Variants in EFCAB12 observed in about 807,000 individuals in gnomAD.
EFCAB12 encodes the protein EF-hand calcium binding domain 12, also known as EF-hand calcium-binding domain-containing protein 12.
A neutral mutation model predicts 53.6 loss-of-function variants in EFCAB12; 43 were observed. The ratio of observed to expected loss-of-function variants is 0.80; its 90% CI spans 0.63 to 1.03. The LOEUF (loss-of-function observed/expected upper bound fraction) is 1.03. Ranked by LOEUF, EFCAB12 falls within the 50% of genes least tolerant of loss-of-function variation. EFCAB12 has a pLI of 0.00. For missense variants in EFCAB12, 646 were observed against 730.6 expected, an observed-to-expected ratio of 0.88 and a Z score of 1.34; for synonymous variants, 269 against 289.2, an observed-to-expected ratio of 0.93 and a Z score of 0.71.
Position 129,404,286 on chromosome 3 carries a change from C to G in EFCAB12, c.1367G>C (p.Arg456Pro). The change falls in exon 7 of 9, where the codon CGG (arginine) becomes CCG (proline). Residue 456 changes from arginine (R) to proline (P), a missense_variant. Transcript: ENST00000505956. Reference sequence around the variant, plus strand: ...CTTAGACTTGCCAGGGCCCTGGGACCGGAGCAGAGCCAGATTCGGAGAAAA... The same window carrying G: ...CTTAGACTTGCCAGGGCCCTGGGACGGGAGCAGAGCCAGATTCGGAGAAAA... The part of the protein sequence containing the change: ...KVFSPNLALL[R>P]SQGPGKSKRT... 1 of 1,613,774 alleles carries G rather than the reference C, an allele frequency of 6.2e-7. No individual in the cohort carries two copies. The highest frequency in any genetic ancestry group is 8.5e-7 in the Non-Finnish European group (1 of 1,179,800).
rs1169773156 is a variant in EFCAB12 at position 129,404,338 on chromosome 3, C to T, written c.1315G>A (p.Gly439Arg). 2.0e-5 allele frequency: 33 copies of T among 1,613,752 alleles called. No individual in the cohort carries two copies. Among genetic ancestry groups the T allele is most frequent in the Non-Finnish European group, 2.8e-5 (33 of 1,179,886 alleles). The change falls in exon 7 of 9, where the codon GGA (glycine) becomes AGA (arginine). Residue 439 changes from glycine to arginine, a missense_variant. Coordinates refer to ENST00000505956, the MANE Select transcript of EFCAB12 (RefSeq NM_207307.3). ...MDKVCPIRQPGGYYSDWKVFS... is the reference protein window; with the variant it reads ...MDKVCPIRQPRGYYSDWKVFS... ...ACCTTCCAGTCAGAGTAGTAGCCTC[C>T]CGGCTGCCGGATGGGGCACACTTTG...
intron 6 of EFCAB12, among the ~76,000 whole-genome samples, chr3:129,405,809 T>G (rs2071942399): frequency 6.6e-6 from 1 of 151,894 alleles, no homozygotes; most frequent in Non-Finnish European, 1.5e-5. Flanking sequence ...GCCAAGACAG[T>G]GGTCAGAGAT....
At position 129,411,184 on chromosome 3, in the gene EFCAB12, A is replaced by T; in HGVS notation, c.1009T>A (p.Tyr337Asn). 1 of 1,607,514 alleles carries T rather than the reference A, an allele frequency of 6.2e-7. No individual in the cohort carries two copies. Among genetic ancestry groups the T allele is most frequent in the Non-Finnish European group, 8.5e-7 (1 of 1,176,938 alleles). ...TTGTGCTGTCGCTGCCGCTCGCGGT[A>T]CCGCTTGCCCACTTCCTCCATCTCC... Reference protein sequence around the residue: ...LEEMEEVGKRYRERQRQHKLT... With the variant: ...LEEMEEVGKRNRERQRQHKLT... The change falls in exon 5 of 9, where the codon TAC becomes AAC. Residue 337 changes from tyrosine (Y) to asparagine (N), a missense_variant. By Grantham distance (143) the Tyr-to-Asn change is moderately radical. Coordinates refer to ENST00000505956, the MANE Select transcript of EFCAB12 (RefSeq NM_207307.3).
chr3:129,404,194 G>T (rs1267439433), intron 7 of EFCAB12, 56 bp downstream of exon 7: 19 of 1,570,444 alleles, frequency 1.2e-5, no homozygotes, highest in African/African-American at 2.7e-5. Flanking sequence ...CCACACTGAA[G>T]GGATAGCAAT....
intron 1 of EFCAB12, 127 bp from the exon 2 acceptor site, chr3:129,421,930 G>T: frequency 1.1e-6 from 1 of 945,588 alleles, no homozygotes. Context: ...CTTTATCATT[G>T]TCTTGCTGTA....
Position 129,401,776 on chromosome 3 carries a change from A to G in EFCAB12, c.1536T>C (p.Asp512=). 6.2e-7 allele frequency: 1 copy of G among 1,611,858 alleles called. No individual in the cohort carries two copies. Among genetic ancestry groups the G allele is most frequent in the Non-Finnish European group, 8.5e-7 (1 of 1,178,932 alleles). ...PNSFWPGHLL[D]KLQLYLPTVA... is the part of the protein sequence containing the mutation. The stretch of plus-strand genomic sequence containing the variant: ...CAGTGGGCAGGTAGAGCTGCAGCTT[A>G]TCCAGAAGATGACCCGGCCAGAAGG... The change falls in exon 9 of 9, where the codon GAT becomes GAC. Residue 512 remains aspartate, a synonymous_variant. Transcript: ENST00000505956.
chr3:129,415,130 C>A, intron 4 of EFCAB12, 115 bp downstream of exon 4: 1 of 1,341,840 alleles, frequency 7.5e-7, no homozygotes, highest in Non-Finnish European at 9.7e-7. Flanking sequence ...CCACAGTCGG[C>A]CAAAACTGGG....
chr3:129,423,405 T>C (rs1006993084), intron 1 of EFCAB12, among the ~76,000 whole-genome samples: 5 of 152,062 alleles, frequency 3.3e-5, no homozygotes, highest in African/African-American at 4.8e-5. Context: ...GGTGGGAGGA[T>C]TGCTTGAGCC....
At position 129,403,876 on chromosome 3, in the gene EFCAB12, A is replaced by G. The variant is rs1029660073; in HGVS notation, c.1403+374T>C. The G allele has an allele frequency of 4.3e-5, 7 of 161,014 alleles. 1 individual carries two copies. Among genetic ancestry groups the G allele is most frequent in the Middle Eastern group, 2.9e-3 (1 of 346 alleles). The allele number at this position is 161,014 out of a possible 1,614,324, so 10.0% of individuals were successfully genotyped here. A position where few individuals can be genotyped will look rare whatever the true frequency, so the allele number is the denominator to read the frequency against. ...GCCGCTGCAAGGTGGCAGGGCAGAGAAAGGGCTGCCCCCTGTTCTCTGCAG... is the reference window on the plus strand; with the variant it reads ...GCCGCTGCAAGGTGGCAGGGCAGAGGAAGGGCTGCCCCCTGTTCTCTGCAG... On this transcript the variant is annotated intron_variant, in intron 7 of 8. Transcript: ENST00000505956.
At chr3:129,414,528 G>T (rs2072088429) in intron 4 of EFCAB12, 1 of 152,220 alleles carries the variant, frequency 6.6e-6, no homozygotes, top group South Asian at 2.1e-4. Context: ...GTTTGGGAAG[G>T]GTGCTAGAAT....
intron 7 of EFCAB12, 54 bp downstream of exon 7, chr3:129,404,196 G>A: frequency 6.3e-7 from 1 of 1,576,672 alleles, no homozygotes; most frequent in Non-Finnish European, 8.6e-7. Context: ...ACACTGAAGG[G>A]ATAGCAATGG....
chr3:129,418,740 C>T (rs559289524), intron 2 of EFCAB12, among the ~76,000 whole-genome samples: 1 of 152,138 alleles, frequency 6.6e-6, no homozygotes, highest in African/African-American at 2.4e-5. Flanking sequence ...TATGCGTAAT[C>T]CCACTGGTCT....
chr3:129,406,390 C>T (rs1404964952), intron 6 of EFCAB12, among the ~76,000 whole-genome samples: 1 of 152,152 alleles, frequency 6.6e-6, no homozygotes, highest in Non-Finnish European at 1.5e-5. Context: ...ACCACATTCC[C>T]CTGTATACAC....
At position 129,402,576 on chromosome 3, in the gene EFCAB12, T is replaced by C. The variant is rs1412280169; in HGVS notation, c.1407A>G (p.Lys469=). ...GCATTTTCTTGCTTTTCTTTGGCGT[T>C]TTCCTAGTGGAGAAGAGAGAGGCAT... The part of the protein sequence containing the change: ...GPGKSKRTDK[K]TPKKSKKMRF... Residue 469 remains lysine, a synonymous_variant, in exon 8 of 9, where the codon AAA becomes AAG. Transcript: ENST00000505956. 4.3e-6 allele frequency: 7 copies of C among 1,612,550 alleles called. No homozygotes were observed. The Admixed American group carries it at 1.2e-4, about 27-fold the overall frequency.
chr3:129,410,114 C>A (rs1164944606), intron 5 of EFCAB12, among the ~76,000 whole-genome samples: 2 of 151,888 alleles, frequency 1.3e-5, no homozygotes, highest in African/African-American at 4.8e-5. Flanking sequence ...TTCAAGCCAT[C>A]TTCTGGCCTC....
chr3:129,408,888 TTC>T (rs1348865489), intron 5 of EFCAB12, 30 bp from the exon 6 acceptor site: 1 of 1,549,010 alleles, frequency 6.5e-7, no homozygotes. Context: ...GGGCTCGCCC[TTC>T]TCTCGCCTGT....
intron 6 of EFCAB12, among the ~76,000 whole-genome samples, chr3:129,405,637 G>T (rs143875096): frequency 1.2e-3 from 190 of 152,292 alleles, no homozygotes; most frequent in African/African-American, 4.4e-3. Context: ...ATATTCACAG[G>T]GGAGGGGGAG....
At chr3:129,421,330 C>T in intron 2 of EFCAB12, 37 bp downstream of exon 2, 3 of 1,566,580 alleles carry the variant, frequency 1.9e-6, no homozygotes, top group South Asian at 1.2e-5. Flanking sequence ...CATCCCTAAA[C>T]CCTTGGTGTC....
intron 2 of EFCAB12, 59 bp from the exon 3 acceptor site, chr3:129,418,507 A>T: frequency 6.8e-7 from 1 of 1,470,422 alleles, no homozygotes; most frequent in African/African-American, 1.4e-5. Context: ...GGCCAGGCGG[A>T]TGCAGTCCCC....
Sources: allele counts gnomAD v4.1 joint callset (sites outside exome capture counted in the v4.1 genomes callset), GRCh38; gene constraint gnomAD v4.1.1; transcripts MANE v1.5; gene names NCBI Gene and HGNC (gene_info 2026-07-23, HGNC 2026-07-21).